Variants in AGBL4 observed in about 807,000 individuals in gnomAD.
AGBL4 encodes cytosolic carboxypeptidase 6.
A neutral mutation model predicts 66.4 loss-of-function variants in AGBL4; 58 were observed. The ratio of observed to expected loss-of-function variants is 0.87; its 90% CI spans 0.71 to 1.09. AGBL4 has a LOEUF of 1.09. Among genes scored for constraint, AGBL4 ranks in the 50% least tolerant of loss-of-function variants. AGBL4 has a pLI of 0.00. For missense variants in AGBL4, 579 were observed against 631.0 expected (o/e 0.92, Z 0.88); for synonymous variants, 234 against 222.9 (o/e 1.05, Z -0.44).
At chr1:48,604,259 T>C (rs754902898) in intron 9 of AGBL4, among the ~76,000 whole-genome samples, 5 of 152,168 alleles carry the variant, frequency 3.3e-5, no homozygotes, top group African/African-American at 4.8e-5. Flanking sequence ...GGACCTAAGT[T>C]TGGACTGATT....
At chr1:48,539,819 C>T (rs1644035241) in intron 11 of AGBL4, 81 bp from the exon 12 acceptor site, 2 of 974,784 alleles carry the variant, frequency 2.1e-6, no homozygotes, top group Non-Finnish European at 2.8e-6. Context: ...AAAATAATAA[C>T]AGTAATAAAA....
chr1:49,935,379 C>A (rs1447078521), intron 1 of AGBL4, among the ~76,000 whole-genome samples: 2 of 152,222 alleles, frequency 1.3e-5, no homozygotes, highest in African/African-American at 4.8e-5. Context: ...GCCTGCCTGC[C>A]TCTGTAGGCT....
At chr1:49,285,141 G>A (rs1485236999) in intron 3 of AGBL4, among the ~76,000 whole-genome samples, 1 of 152,104 alleles carries the variant, frequency 6.6e-6, no homozygotes, top group East Asian at 1.9e-4. Context: ...CTCAGCAAAT[G>A]TAAAAGAACA....
intron 3 of AGBL4, among the ~76,000 whole-genome samples, chr1:49,652,433 T>G (rs1312821183): frequency 6.6e-6 from 1 of 152,188 alleles, no homozygotes; most frequent in Non-Finnish European, 1.5e-5. Flanking sequence ...AAGTCCCTCA[T>G]GACCCCAAGC....
chr1:49,631,341 A>C (rs1464738525), intron 3 of AGBL4, among the ~76,000 whole-genome samples: 1 of 152,136 alleles, frequency 6.6e-6, no homozygotes, highest in African/African-American at 2.4e-5. Context: ...AAAGTGTCTC[A>C]CTGGATCTCA....
intron 4 of AGBL4, 143 bp downstream of exon 4, chr1:49,245,627 T>C: frequency 1.8e-6 from 1 of 565,026 alleles, no homozygotes; most frequent in Non-Finnish European, 3.1e-6. Flanking sequence ...GTACAGCAGA[T>C]AAACTAGAGT....
chr1:48,886,613 C>A (rs556914388), intron 5 of AGBL4, among the ~76,000 whole-genome samples: 2 of 151,990 alleles, frequency 1.3e-5, no homozygotes, highest in South Asian at 4.2e-4. Context: ...AGTGCAGTGG[C>A]GCTATCTCCA....
At chr1:48,640,235 T>C (rs1438164974) in intron 8 of AGBL4, among the ~76,000 whole-genome samples, 1 of 152,226 alleles carries the variant, frequency 6.6e-6, no homozygotes, top group Admixed American at 6.5e-5. Flanking sequence ...GACTGCATAA[T>C]ACATAATGTC....
intron 2 of AGBL4, among the ~76,000 whole-genome samples, chr1:49,735,705 T>C (rs1054974738): frequency 6.6e-6 from 1 of 152,122 alleles, no homozygotes; most frequent in Admixed American, 6.6e-5. Context: ...ACTATCATTG[T>C]GATACTACCT....
chr1:49,451,368 A>G (rs541340131), intron 3 of AGBL4, among the ~76,000 whole-genome samples: 136 of 152,052 alleles, frequency 8.9e-4, no homozygotes, highest in Non-Finnish European at 1.6e-3. Context: ...GCAAAAATCA[A>G]TTTTGCCATA....
intron 1 of AGBL4, among the ~76,000 whole-genome samples, chr1:49,880,436 T>A (rs1647195541): frequency 6.6e-6 from 1 of 152,136 alleles, no homozygotes; most frequent in Non-Finnish European, 1.5e-5. Context: ...GGTGTCAGTG[T>A]GCCCCTGCTG....
At chr1:49,201,336 G>A (rs547068013) in intron 4 of AGBL4, among the ~76,000 whole-genome samples, 14 of 152,176 alleles carry the variant, frequency 9.2e-5, no homozygotes, top group South Asian at 2.1e-4. Flanking sequence ...AGCACCTTAC[G>A]TATTAGTCTA....
At chr1:49,150,285 G>A (rs532826203) in intron 4 of AGBL4, among the ~76,000 whole-genome samples, 11 of 152,166 alleles carry the variant, frequency 7.2e-5, no homozygotes, top group African/African-American at 2.7e-4. Flanking sequence ...ACTACAAGTC[G>A]CACCTATGCA....
intron 3 of AGBL4, among the ~76,000 whole-genome samples, chr1:49,534,298 ATTAG>A (rs1184315221): frequency 2.0e-5 from 3 of 152,096 alleles, no homozygotes; most frequent in Admixed American, 6.6e-5. Context: ...ATTTCTGTAA[ATTAG>A]TTAGTCAAAA....
chr1:49,195,511 T>C (rs1419611805), intron 4 of AGBL4, among the ~76,000 whole-genome samples: 1 of 152,202 alleles, frequency 6.6e-6, no homozygotes, highest in African/African-American at 2.4e-5. Flanking sequence ...AGGTGTCTGC[T>C]GAGAAGTCTG....
Position 49,950,024 on chromosome 1 carries a change from G to GCA in AGBL4, c.34+73738_34+73739insTG, listed in dbSNP as rs1557611761. Among the ~76,000 whole-genome samples the GCA allele has an allele frequency of 1.3e-4, 11 of 86,042 alleles. No individual in the cohort carries two copies. In the South Asian group the frequency reaches 5.1e-3, roughly 40 times the overall value. The allele number at this position is 86,042 out of a possible 152,430, so 56.4% of individuals were successfully genotyped here. ...TATATATATATACACACACATATGT[G>GCA]TGTGTGTGTATATATATACACATAT... On this transcript the variant is annotated intron_variant, in intron 1 of 13. Transcript: ENST00000371839.
intron 2 of AGBL4, among the ~76,000 whole-genome samples, chr1:49,730,721 T>C (rs949015780): frequency 4.6e-4 from 70 of 152,080 alleles, no homozygotes; most frequent in African/African-American, 1.6e-3. Flanking sequence ...TTTGGGCTGG[T>C]AGCATAAGCC....
intron 4 of AGBL4, among the ~76,000 whole-genome samples, chr1:49,097,909 C>T (rs655065): frequency 0.09 from 13,669 of 152,300 alleles, 881 homozygotes; most frequent in East Asian, 0.28. Flanking sequence ...AGGTAAAAGT[C>T]TTTCATTCTG....
chr1:49,564,243 T>C (rs1644132833), intron 3 of AGBL4, among the ~76,000 whole-genome samples: 1 of 152,174 alleles, frequency 6.6e-6, no homozygotes, highest in Non-Finnish European at 1.5e-5. Context: ...TTTGTTGATC[T>C]TTTCAAAAAA....
Sources: allele counts gnomAD v4.1 joint callset (sites outside exome capture counted in the v4.1 genomes callset), GRCh38; gene constraint gnomAD v4.1.1; transcripts MANE v1.5; gene names NCBI Gene and HGNC (gene_info 2026-07-23, HGNC 2026-07-21).